Variants in ELK3 observed in about 807,000 individuals in gnomAD.
ELK3 encodes the protein ETS transcription factor ELK3, also known as ETS domain-containing protein Elk-3.
Under a neutral mutation model 28.9 loss-of-function variants are expected in ELK3, and 10 were observed. The ratio of observed to expected loss-of-function variants is 0.35; its 90% CI spans 0.21 to 0.59. The LOEUF (loss-of-function observed/expected upper bound fraction) is 0.59. Among genes scored for constraint, ELK3 ranks in the 20% least tolerant of loss-of-function variants. The pLI is 0.82. For missense variants in ELK3, 463 were observed against 517.3 expected (o/e 0.90, Z 1.02); for synonymous variants, 272 against 243.5 (o/e 1.12, Z -1.09).
At position 96,223,706 on chromosome 12, in the gene ELK3, T is replaced by A; in HGVS notation, c.140T>A (p.Leu47His). 16 of 1,614,104 alleles carry A rather than the reference T, an allele frequency of 9.9e-6. No individual in the cohort carries two copies. The highest frequency in any genetic ancestry group is 1.4e-5 in the Non-Finnish European group (16 of 1,180,022). Reference sequence around the variant, plus strand: ...GAAGAAGTGGCCAAGCTGTGGGGACTCCGAAAAAACAAAACAAATATGAAC... The same window carrying A: ...GAAGAAGTGGCCAAGCTGTGGGGACACCGAAAAAACAAAACAAATATGAAC... ...KAEEVAKLWG[L>H]RKNKTNMNYD... Residue 47 changes from leucine (L) to histidine (H), a missense_variant, in exon 2 of 5, where the codon CTC (leucine) becomes CAC (histidine). Leu to His is a moderately conservative substitution (Grantham distance 99, BLOSUM62 -3). Coordinates refer to ENST00000228741, the MANE Select transcript of ELK3 (RefSeq NM_005230.4).
rs1021239992 is a variant in ELK3 at position 96,247,549 on chromosome 12, C to T, written c.817C>T (p.Pro273Ser). Reference sequence around the variant, plus strand: ...CTGCCATGACTCCGATTCCCTGGAGCCCTTGAACCTGTCATCGGGCTCCAA... The same window carrying T: ...CTGCCATGACTCCGATTCCCTGGAGTCCTTGAACCTGTCATCGGGCTCCAA... The part of the protein sequence containing the change: ...AACHDSDSLE[P>S]LNLSSGSKTK... The change falls in exon 3 of 5, where the codon CCC becomes TCC. Residue 273 changes from proline (P) to serine (S), a missense_variant. By Grantham distance (74) the Pro-to-Ser change is moderately conservative. This residue lies in a region of ELK3 where 408 missense variants were observed against 414.8 expected (regional missense o/e 0.98). Coordinates refer to ENST00000228741, the MANE Select transcript of ELK3 (RefSeq NM_005230.4). This position sits in a 1 kb window ranked among gnomAD's most constrained non-coding sequence, Gnocchi z 5.5. 5 of 1,614,128 alleles carry T rather than the reference C, an allele frequency of 3.1e-6. No individual in the cohort carries two copies. The highest frequency in any genetic ancestry group is 4.2e-6 in the Non-Finnish European group (5 of 1,180,034).
intron 4 of ELK3, 36 bp from the exon 5 acceptor site, chr12:96,267,046 G>T: frequency 5.1e-6 from 8 of 1,561,356 alleles, no homozygotes; most frequent in Non-Finnish European, 4.4e-6. Context: ...CAATGGATTT[G>T]CAATAATTAT....
intron 4 of ELK3, among the ~76,000 whole-genome samples, chr12:96,265,941 T>G (rs1315374812): frequency 6.6e-6 from 1 of 152,188 alleles, no homozygotes; most frequent in Non-Finnish European, 1.5e-5. Context: ...ACCCCCTAAC[T>G]CCTACCAAAA....
chr12:96,203,502 T>A lies in ELK3; in HGVS notation c.-3+8797T>A, dbSNP rs376841098. Among the ~76,000 whole-genome samples, 31 of 152,320 alleles carry A rather than the reference T, an allele frequency of 2.0e-4. No homozygotes were observed. In the South Asian group the frequency reaches 6.2e-3, roughly 31 times the overall value. ...GGCACTCAATGAATTAAAAATAATC[T>A]GAAGCGGGGGTTGGGGGGAGCTTGT... On this transcript the variant is annotated intron_variant, in intron 1 of 4. Coordinates refer to ENST00000228741, the MANE Select transcript of ELK3 (RefSeq NM_005230.4).
chr12:96,244,121 TA>T (rs769334067), intron 2 of ELK3, among the ~76,000 whole-genome samples: 10 of 152,208 alleles, frequency 6.6e-5, no homozygotes, highest in Non-Finnish European at 1.3e-4. Context: ...TATAGTCTAG[TA>T]ATTCATTATT....
chr12:96,235,932 A>G (rs1951779680), intron 2 of ELK3, among the ~76,000 whole-genome samples: 1 of 152,142 alleles, frequency 6.6e-6, no homozygotes, highest in Non-Finnish European at 1.5e-5. Context: ...GGTTCGAGCG[A>G]TTCTCCTGCC....
At position 96,259,713 on chromosome 12, in the gene ELK3, G is replaced by A; in HGVS notation, c.1003-18G>A. ...CAGGTGAACCTATATGAAGAAGTCT[G>A]TTTGCTTTACTTCCCAGACACCAAA... On this transcript the variant is annotated intron_variant, in intron 3 of 4. Transcript: ENST00000228741. The A allele has an allele frequency of 6.2e-7, 1 of 1,605,138 alleles. No homozygotes were observed. Among genetic ancestry groups the A allele is most frequent in the South Asian group, 1.1e-5 (1 of 90,262 alleles).
At chr12:96,244,661 A>T (rs1167612989) in intron 2 of ELK3, among the ~76,000 whole-genome samples, 1 of 152,194 alleles carries the variant, frequency 6.6e-6, no homozygotes, top group African/African-American at 2.4e-5. Flanking sequence ...GTTTTTCCCC[A>T]GGGAGAAAAA....
At chr12:96,198,375 T>G (rs1951485923) in intron 1 of ELK3, among the ~76,000 whole-genome samples, 1 of 152,228 alleles carries the variant, frequency 6.6e-6, no homozygotes, top group South Asian at 2.1e-4. Flanking sequence ...CATTAAAGTT[T>G]AAAAGAAATG....
chr12:96,206,277 A>G (rs990248762), intron 1 of ELK3, among the ~76,000 whole-genome samples: 2 of 152,018 alleles, frequency 1.3e-5, no homozygotes, highest in African/African-American at 4.8e-5. Context: ...TGAAAGGGGC[A>G]ATTTTCTTTT....
intron 2 of ELK3, among the ~76,000 whole-genome samples, chr12:96,242,865 G>C (rs770998072): frequency 6.6e-6 from 1 of 152,182 alleles, no homozygotes; most frequent in Non-Finnish European, 1.5e-5. Context: ...TTGGTCTCTA[G>C]AGAAGCATGA....
At chr12:96,231,252 G>T (rs1435191199) in intron 2 of ELK3, among the ~76,000 whole-genome samples, 1 of 152,208 alleles carries the variant, frequency 6.6e-6, no homozygotes, top group Non-Finnish European at 1.5e-5. Flanking sequence ...TCTTCCAGAA[G>T]GTAGTTTTAT....
intron 3 of ELK3, among the ~76,000 whole-genome samples, chr12:96,257,600 T>C (rs927485704): frequency 4.6e-5 from 7 of 152,242 alleles, no homozygotes; most frequent in African/African-American, 1.4e-4. Context: ...ATTGTCTCTT[T>C]AAAGCTTTGA....
At chr12:96,265,486 G>C (rs1243798926) in intron 4 of ELK3, among the ~76,000 whole-genome samples, 1 of 152,108 alleles carries the variant, frequency 6.6e-6, no homozygotes, top group Non-Finnish European at 1.5e-5. Context: ...AGGAGTTCCA[G>C]ACCAGCCTGG....
chr12:96,218,848 CTG>C (rs1951640964), intron 1 of ELK3, among the ~76,000 whole-genome samples: 1 of 152,078 alleles, frequency 6.6e-6, no homozygotes, highest in East Asian at 1.9e-4. Context: ...CAGGGTTTCA[CTG>C]TGTTAGCCGG....
At chr12:96,226,288 G>T (rs1951699089) in intron 2 of ELK3, among the ~76,000 whole-genome samples, 1 of 152,216 alleles carries the variant, frequency 6.6e-6, no homozygotes, top group Non-Finnish European at 1.5e-5. Flanking sequence ...GAGCATGGGG[G>T]CTGGCCACAT....
chr12:96,259,924 G>C (rs1951980905), intron 4 of ELK3, 71 bp downstream of exon 4: 2 of 1,492,238 alleles, frequency 1.3e-6, no homozygotes, highest in Middle Eastern at 1.8e-4. Flanking sequence ...ATCCTGCAGA[G>C]GTAACGGTGA....
chr12:96,267,000 G>A, intron 4 of ELK3, 82 bp from the exon 5 acceptor site: 1 of 1,161,526 alleles, frequency 8.6e-7, no homozygotes, highest in Admixed American at 2.4e-5. Context: ...GGACTGCTAT[G>A]GACTGTATGG....
At chr12:96,226,112 A>G (rs1297665582) in intron 2 of ELK3, among the ~76,000 whole-genome samples, 1 of 152,188 alleles carries the variant, frequency 6.6e-6, no homozygotes, top group East Asian at 1.9e-4. Flanking sequence ...AGCTTGGGCA[A>G]TAGAGGGAGA....
Sources: gnomAD v4.1 joint callset for allele counts (sites outside exome capture counted in the v4.1 genomes callset) on GRCh38, gnomAD v4.1.1 for gene constraint, gnomAD v4.1.1 regional missense constraint, Gnocchi (gnomAD v3.1) non-coding constraint, MANE v1.5 for transcripts, NCBI Gene and HGNC (gene_info 2026-07-23, HGNC 2026-07-21) for gene names.